PARP16: variants seen among roughly 807,000 people sequenced by gnomAD.
PARP16 encodes poly(ADP-ribose) polymerase family member 16.
In PARP16, 31 loss-of-function variants were observed where a neutral mutation model predicts 35.0. That is an observed-to-expected ratio of 0.88 (90% CI 0.66 to 1.19). The LOEUF (loss-of-function observed/expected upper bound fraction) is 1.19. PARP16 is among the 50% of genes most tolerant of loss of function. PARP16 has a pLI of 0.00. For missense variants in PARP16, 424 were observed against 411.2 expected (o/e 1.03, Z -0.27); for synonymous variants, 162 against 169.5 (o/e 0.96, Z 0.34).
Position 65,259,245 on chromosome 15 carries a change from A to G in PARP16, c.*162T>C, listed in dbSNP as rs1357620110. 5 of 691,266 alleles carry G rather than the reference A, an allele frequency of 7.2e-6. No homozygotes were observed. The highest frequency in any genetic ancestry group is 1.3e-5 in the Non-Finnish European group (5 of 387,716). The allele number at this position is 691,266 out of a possible 1,614,324, so 42.8% of individuals were successfully genotyped here. ...CGTTGACTGGAGTATGGCTGGGAACATCATCAAAGGCAATGGATACATTTA... is the reference window on the plus strand; with the variant it reads ...CGTTGACTGGAGTATGGCTGGGAACGTCATCAAAGGCAATGGATACATTTA... On this transcript the variant is annotated 3_prime_UTR_variant, in exon 6 of 6. Coordinates refer to ENST00000649807, the MANE Select transcript of PARP16 (RefSeq NM_001316943.2).
intron 1 of PARP16, among the ~76,000 whole-genome samples, chr15:65,284,416 C>T (rs1233608042): frequency 7.1e-6 from 1 of 140,062 alleles, no homozygotes; most frequent in Non-Finnish European, 1.5e-5. Flanking sequence ...GATCTCGGCT[C>T]ACTGCTACCT....
intron 3 of PARP16, among the ~76,000 whole-genome samples, chr15:65,240,449 C>T (rs1434406439): frequency 1.3e-5 from 2 of 151,930 alleles, no homozygotes; most frequent in Admixed American, 6.6e-5. Context: ...GTCTCAAACT[C>T]CTGAACTCAA....
intron 4 of PARP16, among the ~76,000 whole-genome samples, chr15:65,261,376 C>CATTTTATATATAAATTTTATATAT (rs1279580118): frequency 6.8e-6 from 1 of 147,738 alleles, no homozygotes; most frequent in African/African-American, 2.5e-5. Context: ...TCTTAACAGG[C>CATTTTATATATAAATTTTATATAT]ATTTTATATA....
intron 3 of PARP16, among the ~76,000 whole-genome samples, chr15:65,239,463 GAAA>G (rs1316505495): frequency 1.8e-5 from 1 of 56,700 alleles, no homozygotes; most frequent in Non-Finnish European, 3.6e-5. Flanking sequence ...AGAGAGAAAA[GAAA>G]AAAAAAAGAA....
chr15:65,274,109 AT>A (rs1038811270), intron 1 of PARP16, among the ~76,000 whole-genome samples: 1 of 151,336 alleles, frequency 6.6e-6, no homozygotes. Context: ...TGCCCAGCTA[AT>A]TTTTTTTATT....
At chr15:65,256,951 C>T (rs1199905054), downstream of PARP16, among the ~76,000 whole-genome samples, 2 of 152,202 alleles carry the variant, frequency 1.3e-5, no homozygotes, top group Admixed American at 6.5e-5. Flanking sequence ...AGGTTCAACT[C>T]CCAGCTCTGC....
chr15:65,234,353 G>A (rs1402674232), downstream of PARP16: 12 of 152,172 alleles, frequency 7.9e-5, no homozygotes, highest in Admixed American at 7.2e-4. Flanking sequence ...CTCTCCTTGG[G>A]TGAGCTTGAG....
chr15:65,263,030 C>T (rs1051757032), intron 4 of PARP16, 119 bp downstream of exon 4: 23 of 922,912 alleles, frequency 2.5e-5, no homozygotes, highest in Non-Finnish European at 3.7e-5. Context: ...CCGGCACTGC[C>T]CTGGATCCAG....
downstream of PARP16, among the ~76,000 whole-genome samples, chr15:65,230,946 T>A (rs1322423970): frequency 1.4e-5 from 2 of 145,026 alleles, no homozygotes; most frequent in East Asian, 2.0e-4. Flanking sequence ...TGGAGTGCAG[T>A]GGTGCGATCT....
In PARP16 at chr15:65,262,682, T is replaced by G. The variant is rs140883824; in HGVS notation, c.691+467A>C. On this transcript the variant is annotated intron_variant, in intron 4 of 5. Transcript: ENST00000649807. ...TCGGAGGGTCTGGACCCAGCATCCT[T>G]TGCTTCATTTAGCAAATATTTATTG... Among the ~76,000 whole-genome samples, 20 of 126,920 alleles carry G rather than the reference T, an allele frequency of 1.6e-4. 1 individual carries two copies. In the South Asian group the frequency reaches 4.8e-3, roughly 31 times the overall value. 83.3% of individuals were successfully genotyped at this position (126,920 alleles called of 152,430 possible).
At chr15:65,267,629 T>A (rs71409141) in intron 2 of PARP16, among the ~76,000 whole-genome samples, 1 of 132,964 alleles carries the variant, frequency 7.5e-6, no homozygotes, top group African/African-American at 2.7e-5. Context: ...AATTAATTAA[T>A]TAAATAATAA....
At chr15:65,266,881 A>G in intron 2 of PARP16, 113 bp from the exon 3 acceptor site, 1 of 736,718 alleles carries the variant, frequency 1.4e-6, no homozygotes, top group Non-Finnish European at 2.3e-6. Context: ...CATGAGAACA[A>G]CAGGTTTCAT....
At position 65,239,955 on chromosome 15, in the gene PARP16, C is replaced by CTTTTTTTTTTTTTTTTTTTT. The variant is rs367808430; in HGVS notation, c.*98-5133_*98-5132insAAAAAAAAAAAAAAAAAAAA. 3.1e-3 allele frequency among the ~76,000 whole-genome samples: 252 copies of CTTTTTTTTTTTTTTTTTTTT among 81,710 alleles called. 45 individuals are homozygous for CTTTTTTTTTTTTTTTTTTTT. The highest frequency in any genetic ancestry group is 5.4e-3 in the South Asian group (14 of 2,606). 53.6% of individuals were successfully genotyped at this position (81,710 alleles called of 152,430 possible). A position where few individuals can be genotyped will look rare whatever the true frequency, so the allele number is the denominator to read the frequency against. ...ACAGGCGTGAGCCACCGCGTCTGAC[C>CTTTTTTTTTTTTTTTTTTTT]TTTTTTTTTTTTTTTTTTTAAATAC... On this transcript the variant is annotated intron_variant and NMD_transcript_variant, in intron 3 of 3. Transcript: ENST00000559805.
chr15:65,235,792 G>A (rs903732123), intron 3 of PARP16, among the ~76,000 whole-genome samples: 42 of 148,736 alleles, frequency 2.8e-4, no homozygotes, highest in African/African-American at 9.2e-4. Context: ...TCATAATGGC[G>A]TCACTATACT....
Position 65,271,003 on chromosome 15 carries a change from C to G in PARP16, c.244G>C (p.Ala82Pro). 6.2e-7 allele frequency: 1 copy of G among 1,614,062 alleles called. No individual in the cohort carries two copies. ...AAAATCCAGCTCACCAGGTCCCAGGCCCGTTTGTGGTTGTCTCCGGAGGAC... is the reference window on the plus strand; with the variant it reads ...AAAATCCAGCTCACCAGGTCCCAGGGCCGTTTGTGGTTGTCTCCGGAGGAC... Reference protein sequence around the residue: ...LQSSGDNHKRAWDLVSWILSS... With the variant: ...LQSSGDNHKRPWDLVSWILSS... Residue 82 changes from alanine (A) to proline (P), a missense_variant, in exon 2 of 6, where the codon GCC becomes CCC. Coordinates refer to ENST00000649807, the MANE Select transcript of PARP16 (RefSeq NM_001316943.2).
downstream of PARP16, among the ~76,000 whole-genome samples, chr15:65,253,971 C>A (rs1253527960): frequency 6.6e-6 from 1 of 152,108 alleles, no homozygotes; most frequent in Non-Finnish European, 1.5e-5. Context: ...GCGCACACCA[C>A]CACACCCGGC....
At chr15:65,248,207 C>T (rs1025722437) in exon 3 of PARP16, 46 of 456,394 alleles carry the variant, frequency 1.0e-4, no homozygotes, top group African/African-American at 8.0e-5. Context: ...TGGCCACAGA[C>T]ACCTCTTCAG....
At chr15:65,232,819 G>T (rs560068194), downstream of PARP16, among the ~76,000 whole-genome samples, 78 of 152,146 alleles carry the variant, frequency 5.1e-4, no homozygotes, top group African/African-American at 1.8e-3. Flanking sequence ...ACTTTGGAAG[G>T]CTGAGGAGGG....
At chr15:65,266,528 T>C (rs1372082735) in intron 3 of PARP16, 34 bp downstream of exon 3, 16 of 1,538,294 alleles carry the variant, frequency 1.0e-5, no homozygotes, top group Non-Finnish European at 1.4e-5. Flanking sequence ...CATCCCTGCT[T>C]CCCCACATCA....
Sources: allele counts gnomAD v4.1 joint callset (sites outside exome capture counted in the v4.1 genomes callset), GRCh38; gene constraint gnomAD v4.1.1; transcripts MANE v1.5; gene names NCBI Gene and HGNC (gene_info 2026-07-23, HGNC 2026-07-21).